RERE: variants seen among roughly 807,000 people sequenced by gnomAD.
RERE encodes the protein arginine-glutamic acid dipeptide repeats.
Under a neutral mutation model 146.1 loss-of-function variants are expected in RERE, and 40 were observed. That is an observed-to-expected ratio of 0.27 (90% confidence interval 0.21 to 0.36). The LOEUF is 0.36. Among genes scored for constraint, RERE ranks in the 10% least tolerant of loss-of-function variants. The pLI is 1.00. For synonymous variants in RERE, 1,003 were observed against 866.0 expected (o/e 1.16, Z -2.78); for missense variants, 1,933 against 2,138.7 (o/e 0.90, Z 1.90).
chr1:8,384,908 C>T (rs555821522), intron 12 of RERE, among the ~76,000 whole-genome samples: 15 of 152,202 alleles, frequency 9.9e-5, no homozygotes, highest in Non-Finnish European at 1.5e-4. Context: ...AGCTCTCAGC[C>T]GATGCAACAA....
chr1:8,691,332 C>G (rs1252415944), intron 1 of RERE, among the ~76,000 whole-genome samples: 3 of 152,178 alleles, frequency 2.0e-5, no homozygotes, highest in Admixed American at 1.3e-4. Flanking sequence ...AAGTTTATCT[C>G]TATGTCCTCA....
chr1:8,715,610 A>G (rs1401259880), intron 1 of RERE, among the ~76,000 whole-genome samples: 1 of 151,966 alleles, frequency 6.6e-6, no homozygotes, highest in Non-Finnish European at 1.5e-5. Flanking sequence ...TAGAAGATAT[A>G]TAAAAGGTGA....
intron 1 of RERE, among the ~76,000 whole-genome samples, chr1:8,694,465 A>G (rs1007452014): frequency 2.0e-5 from 3 of 152,212 alleles, no homozygotes; most frequent in African/African-American, 7.2e-5. Flanking sequence ...CACTGCTAGA[A>G]GAAATGACAG....
intron 1 of RERE, among the ~76,000 whole-genome samples, chr1:8,776,111 C>A (rs1051578668): frequency 3.3e-5 from 5 of 152,194 alleles, no homozygotes; most frequent in Non-Finnish European, 5.9e-5. Flanking sequence ...CGCTTCCATA[C>A]CAATTGTAAT....
chr1:8,358,703 G>A lies in RERE; in HGVS notation c.3832C>T (p.Leu1278Phe). The A allele has an allele frequency of 6.3e-7, 1 of 1,598,720 alleles. No individual in the cohort carries two copies. Among genetic ancestry groups the A allele is most frequent in the Non-Finnish European group, 8.5e-7 (1 of 1,171,184 alleles). Residue 1278 changes from leucine to phenylalanine, a missense_variant, in exon 20 of 23, where the codon CTT (leucine) becomes TTT (phenylalanine). By Grantham distance (22) the Leu-to-Phe change is conservative. Transcript: ENST00000400908. ...TNRNHPFYMP[L>F]NPTDPLLAYH... ...GCCAGCAGGGGGTCCGTGGGGTTAA[G>A]GGGCATGTAGAAGGGGTGGTTGCGG...
intron 12 of RERE, among the ~76,000 whole-genome samples, chr1:8,397,754 A>T (rs1333320589): frequency 6.6e-6 from 1 of 152,136 alleles, no homozygotes; most frequent in Admixed American, 6.5e-5. Flanking sequence ...GACTCTTCTG[A>T]TCTTTCCTGT....
intron 1 of RERE, among the ~76,000 whole-genome samples, chr1:8,674,635 T>A (rs1459361059): frequency 6.6e-6 from 1 of 152,202 alleles, no homozygotes; most frequent in Non-Finnish European, 1.5e-5. Context: ...ACTGCTAGAT[T>A]AAATAAGGTC....
At chr1:8,791,792 A>G (rs1481964877) in intron 1 of RERE, among the ~76,000 whole-genome samples, 1 of 152,176 alleles carries the variant, frequency 6.6e-6, no homozygotes, top group African/African-American at 2.4e-5. Context: ...GGCAGTAGAC[A>G]TTAGTTTCAA....
At position 8,360,564 on chromosome 1, in the gene RERE, C is replaced by A; in HGVS notation, c.2943G>T (p.Pro981=). Residue 981 remains proline, a synonymous_variant, in exon 18 of 23, where the codon CCG becomes CCT. Transcript: ENST00000400908. ...GTTGCAGGGGTGGGGGGTGAGCCGA[C>A]GGGGGGTGATGTGTGGACAGGGAGC... ...PLSSLSTHHP[P]SAHPPPLQLM... 1 of 1,170,326 alleles carries A rather than the reference C, an allele frequency of 8.5e-7. No individual in the cohort carries two copies. The highest frequency in any genetic ancestry group is 1.1e-6 in the Non-Finnish European group (1 of 914,338). 72.5% of individuals were successfully genotyped at this position (1,170,326 alleles called of 1,614,324 possible).
chr1:8,491,761 A>G (rs1034605124), intron 10 of RERE, among the ~76,000 whole-genome samples: 21 of 152,364 alleles, frequency 1.4e-4, no homozygotes, highest in African/African-American at 4.6e-4. Flanking sequence ...GTGGCCATAT[A>G]GCCTATTTCA....
At chr1:8,355,388 C>G (rs571703529) in intron 22 of RERE, 31 bp downstream of exon 22, 2 of 1,605,806 alleles carry the variant, frequency 1.2e-6, no homozygotes, top group Non-Finnish European at 1.7e-6. Context: ...CTCAGATAAC[C>G]CCTCCACTCC....
At chr1:8,504,285 C>T (rs1450144934) in intron 8 of RERE, among the ~76,000 whole-genome samples, 1 of 152,070 alleles carries the variant, frequency 6.6e-6, no homozygotes, top group African/African-American at 2.4e-5. Context: ...AAAATCATGT[C>T]TTACTAGAGA....
At chr1:8,639,604 G>A (rs1186542748) in intron 2 of RERE, among the ~76,000 whole-genome samples, 2 of 152,186 alleles carry the variant, frequency 1.3e-5, no homozygotes, top group African/African-American at 4.8e-5. Flanking sequence ...AAGTCTGAGT[G>A]CTAACAGAGT....
intron 1 of RERE, among the ~76,000 whole-genome samples, chr1:8,810,709 G>C (rs761850835): frequency 2.6e-5 from 4 of 152,166 alleles, no homozygotes; most frequent in Admixed American, 1.3e-4. Context: ...AGTATCTCAT[G>C]AGAAAGAAAC....
intron 1 of RERE, among the ~76,000 whole-genome samples, chr1:8,758,040 C>G (rs1337227813): frequency 2.6e-5 from 4 of 151,614 alleles, no homozygotes; most frequent in Non-Finnish European, 4.4e-5. Context: ...CATAGAAAGA[C>G]AGATACTGTA....
At chr1:8,498,346 C>T (rs1037837789) in intron 8 of RERE, among the ~76,000 whole-genome samples, 1 of 149,866 alleles carries the variant, frequency 6.7e-6, no homozygotes, top group African/African-American at 2.5e-5. Flanking sequence ...AGAGACAGAG[C>T]GAAATTCCAT....
At chr1:8,370,523 A>C (rs1641996877) in intron 12 of RERE, among the ~76,000 whole-genome samples, 1 of 152,198 alleles carries the variant, frequency 6.6e-6, no homozygotes. Context: ...AAAGCTGAAG[A>C]AAAACAACAA....
At chr1:8,696,680 C>T (rs1045911828) in intron 1 of RERE, among the ~76,000 whole-genome samples, 2 of 151,928 alleles carry the variant, frequency 1.3e-5, no homozygotes, top group Admixed American at 6.6e-5. Flanking sequence ...GAGGCTGAGG[C>T]GAGTGGATTA....
At chr1:8,359,501 C>T (rs1356630515) in intron 19 of RERE, among the ~76,000 whole-genome samples, 1 of 152,376 alleles carries the variant, frequency 6.6e-6, no homozygotes. Flanking sequence ...GAAGGACAGG[C>T]CCTTTCCTCG....
Sources: gnomAD v4.1 joint callset for allele counts (sites outside exome capture counted in the v4.1 genomes callset) on GRCh38, gnomAD v4.1.1 for gene constraint, MANE v1.5 for transcripts, NCBI Gene and HGNC (gene_info 2026-07-23, HGNC 2026-07-21) for gene names.